The following UGT3A2 variants were observed in gnomAD, a reference collection of about 807,000 sequenced individuals.
UGT3A2 encodes UDP glycosyltransferase family 3 member A2.
A neutral mutation model predicts 39.8 loss-of-function variants in UGT3A2; 32 were observed. That is an observed-to-expected ratio of 0.80 (90% CI 0.61 to 1.08). The LOEUF is 1.08. Among genes scored for constraint, UGT3A2 ranks in the 50% least tolerant of loss-of-function variants. UGT3A2 has a pLI of 0.00. For synonymous variants in UGT3A2, 241 were observed against 230.7 expected, an observed-to-expected ratio of 1.04 and a Z score of -0.40; for missense variants, 611 against 637.1, an observed-to-expected ratio of 0.96 and a Z score of 0.44.
chr5:36,038,638 G>A (rs140141478), intron 5 of UGT3A2, among the ~76,000 whole-genome samples: 40 of 152,312 alleles, frequency 2.6e-4, no homozygotes, highest in African/African-American at 9.1e-4. Context: ...ATAATGACAA[G>A]CACATCTCAA....
intron 6 of UGT3A2, 111 bp downstream of exon 6, chr5:36,037,686 G>A: frequency 8.5e-7 from 1 of 1,175,082 alleles, no homozygotes; most frequent in Admixed American, 2.1e-5. Context: ...GGAAAATACA[G>A]TTTTAATCTA....
In UGT3A2 at chr5:36,037,907, A is replaced by C; in HGVS notation, c.1185T>G (p.Pro395=). The change falls in exon 6 of 7, where the codon CCT becomes CCG. Residue 395 remains proline (P), a synonymous_variant. Transcript: ENST00000282507. ...TGGCTTCTACTCGGACCATGTTTTCAGGCTGGTCTCCAAAGAGAGGGATCC... is the reference window on the plus strand; with the variant it reads ...TGGCTTCTACTCGGACCATGTTTTCCGGCTGGTCTCCAAAGAGAGGGATCC... The part of the protein sequence containing the change: ...MVGIPLFGDQ[P]ENMVRVEAKK... The C allele has an allele frequency of 6.2e-7, 1 of 1,614,108 alleles. No homozygotes were observed. The highest frequency in any genetic ancestry group is 8.5e-7 in the Non-Finnish European group (1 of 1,180,016).
intron 2 of UGT3A2, among the ~76,000 whole-genome samples, chr5:36,056,790 C>T (rs1262087745): frequency 3.9e-5 from 6 of 152,222 alleles, no homozygotes; most frequent in Non-Finnish European, 7.3e-5. Flanking sequence ...ATAAAGTCCT[C>T]GTTTTCTGCC....
intron 4 of UGT3A2, 125 bp downstream of exon 4, chr5:36,048,764 G>T (rs1285135685): frequency 4.4e-6 from 6 of 1,352,822 alleles, no homozygotes; most frequent in African/African-American, 4.4e-5. Flanking sequence ...TTAAAAGCAT[G>T]CCCTAGGTGC....
At chr5:36,037,736 G>A in intron 6 of UGT3A2, 61 bp downstream of exon 6, 1 of 1,567,784 alleles carries the variant, frequency 6.4e-7, no homozygotes, top group Non-Finnish European at 8.7e-7. Flanking sequence ...GACTCCCATA[G>A]TGCCCTTAGT....
intron 4 of UGT3A2, among the ~76,000 whole-genome samples, chr5:36,041,390 C>T (rs1324192398): frequency 6.6e-6 from 1 of 152,174 alleles, no homozygotes; most frequent in African/African-American, 2.4e-5. Context: ...GAATAAACAT[C>T]AGCAGTAACC....
intron 4 of UGT3A2, among the ~76,000 whole-genome samples, chr5:36,042,866 C>A (rs533156535): frequency 2.0e-5 from 3 of 152,132 alleles, no homozygotes; most frequent in African/African-American, 7.2e-5. Context: ...GCACTCAAAA[C>A]TGGAGCACCC....
chr5:36,056,478 C>T (rs1742516789), intron 2 of UGT3A2, among the ~76,000 whole-genome samples: 1 of 152,172 alleles, frequency 6.6e-6, no homozygotes. Flanking sequence ...GGTTGCTGCG[C>T]ACGTGCAAGT....
chr5:36,046,483 A>G (rs1000042335), intron 4 of UGT3A2, among the ~76,000 whole-genome samples: 21 of 152,228 alleles, frequency 1.4e-4, no homozygotes, highest in Non-Finnish European at 2.1e-4. Context: ...ACTAGAATAC[A>G]TTATGTTAAG....
chr5:36,035,655 G>T lies in UGT3A2; in HGVS notation c.*43C>A. 1 of 1,594,512 alleles carries T rather than the reference G, an allele frequency of 6.3e-7. No homozygotes were observed. Among genetic ancestry groups the T allele is most frequent in the South Asian group, 1.1e-5 (1 of 88,886 alleles). ...TAGTGGGAAGCTCCCTAGAAATGGTGACATCGCCCACCAAACAGACCCCGC... is the reference window on the plus strand; with the variant it reads ...TAGTGGGAAGCTCCCTAGAAATGGTTACATCGCCCACCAAACAGACCCCGC... On this transcript the variant is annotated 3_prime_UTR_variant, in exon 7 of 7. Transcript: ENST00000282507.
In UGT3A2 at chr5:36,049,337, T is replaced by C; in HGVS notation, c.395A>G (p.Asp132Gly). 3 of 1,613,340 alleles carry C rather than the reference T, an allele frequency of 1.9e-6. No homozygotes were observed. The highest frequency in any genetic ancestry group is 2.5e-6 in the Non-Finnish European group (3 of 1,179,734). The change falls in exon 4 of 7, where the codon GAT becomes GGT. Residue 132 changes from aspartate (D) to glycine (G), a missense_variant. Asp to Gly is a moderately conservative substitution (Grantham distance 94, BLOSUM62 -1). Coordinates refer to ENST00000282507, the MANE Select transcript of UGT3A2 (RefSeq NM_174914.4). ...SHFLNRKDIM[D>G]SLKNENFDMV... is the part of the protein sequence containing the mutation. ...GTCGAAGTTCTCATTCTTTAAGGAA[T>C]CCATGATATCCTTTCTATTTAAAAA...
chr5:36,049,247 A>C lies in UGT3A2; in HGVS notation c.485T>G (p.Phe162Cys). Reference sequence around the variant, plus strand: ...GAATGAAGTGGAAAGAATGGCCACAAATGGCTTCCCAAGCTTCTCAGCAAT... The same window carrying C: ...GAATGAAGTGGAAAGAATGGCCACACATGGCTTCCCAAGCTTCTCAGCAAT... ...FLIAEKLGKP[F>C]VAILSTSFGS... Residue 162 changes from phenylalanine (F) to cysteine (C), a missense_variant, in exon 4 of 7, where the codon TTT (phenylalanine) becomes TGT (cysteine). By Grantham distance (205) the Phe-to-Cys change is radical (BLOSUM62 -2). Coordinates refer to ENST00000282507, the MANE Select transcript of UGT3A2 (RefSeq NM_174914.4). The C allele has an allele frequency of 6.2e-7, 1 of 1,614,094 alleles. No homozygotes were observed. Among genetic ancestry groups the C allele is most frequent in the Non-Finnish European group, 8.5e-7 (1 of 1,179,958 alleles).
At chr5:36,038,105 G>C (rs968639083) in intron 5 of UGT3A2, 89 bp from the exon 6 acceptor site, 1 of 1,328,894 alleles carries the variant, frequency 7.5e-7, no homozygotes, top group Admixed American at 2.6e-5. Flanking sequence ...AAGTGCCAAG[G>C]GGATCTAGTG....
At chr5:36,059,357 TTC>T (rs1158067945) in intron 2 of UGT3A2, among the ~76,000 whole-genome samples, 1 of 131,814 alleles carries the variant, frequency 7.6e-6, no homozygotes, top group African/African-American at 3.0e-5. Flanking sequence ...GTTATTTCTT[TTC>T]TCTTTTTTTT....
intron 4 of UGT3A2, among the ~76,000 whole-genome samples, chr5:36,045,481 T>G (rs1376141196): frequency 6.6e-6 from 1 of 151,466 alleles, no homozygotes; most frequent in Non-Finnish European, 1.5e-5. Flanking sequence ...TAATCCCAGC[T>G]GCTCGGGAGG....
intron 4 of UGT3A2, among the ~76,000 whole-genome samples, chr5:36,042,244 A>ACT: frequency 6.6e-6 from 1 of 152,092 alleles, no homozygotes; most frequent in South Asian, 2.1e-4. Flanking sequence ...GATAAAGTGT[A>ACT]GAATTTTTAT....
At chr5:36,054,509 C>T (rs1350891323) in intron 2 of UGT3A2, among the ~76,000 whole-genome samples, 1 of 152,150 alleles carries the variant, frequency 6.6e-6, no homozygotes, top group Non-Finnish European at 1.5e-5. Context: ...CAAATCACAT[C>T]ATCCAAATAA....
rs1742816868 is a variant in UGT3A2, at chr5:36,064,428, G to C, written c.95-78C>G. 8.2e-6 allele frequency: 10 copies of C among 1,213,678 alleles called. No individual in the cohort carries two copies. In the East Asian group the frequency reaches 2.4e-4, roughly 29 times the overall value. The allele number at this position is 1,213,678 out of a possible 1,614,324, so 75.2% of individuals were successfully genotyped here. A position where few individuals can be genotyped will look rare whatever the true frequency, so the allele number is the denominator to read the frequency against. On this transcript the variant is annotated intron_variant, in intron 1 of 6. Coordinates refer to ENST00000282507, the MANE Select transcript of UGT3A2 (RefSeq NM_174914.4). ...AGTCAGTAGTGATCAATCCAGGAGA[G>C]GAAAGGTAAGGAAACAGAAGTGGAT...
At position 36,049,365 on chromosome 5, in the gene UGT3A2, G is replaced by A; in HGVS notation, c.367C>T (p.His123Tyr). ...ATGATATCCTTTCTATTTAAAAAAT[G>A]ACTGCACTGCAACGCCAAGTATTCT... ...VLEYLALQCSHFLNRKDIMDS... is the reference protein window; with the variant it reads ...VLEYLALQCSYFLNRKDIMDS... The change falls in exon 4 of 7, where the codon CAT becomes TAT. Residue 123 changes from histidine to tyrosine, a missense_variant. Physicochemically the swap from His to Tyr is moderately conservative, Grantham distance 83. Coordinates refer to ENST00000282507, the MANE Select transcript of UGT3A2 (RefSeq NM_174914.4). The A allele has an allele frequency of 6.2e-7, 1 of 1,607,706 alleles. No individual in the cohort carries two copies. Among genetic ancestry groups the A allele is most frequent in the Non-Finnish European group, 8.5e-7 (1 of 1,178,322 alleles).
Sources: allele counts gnomAD v4.1 joint callset (sites outside exome capture counted in the v4.1 genomes callset), GRCh38; gene constraint gnomAD v4.1.1; transcripts MANE v1.5; gene names NCBI Gene and HGNC (gene_info 2026-07-23, HGNC 2026-07-21).